Variants in UBE2E2 observed in about 807,000 individuals in gnomAD.
The protein encoded by UBE2E2 is ubiquitin-conjugating enzyme E2 E2.
UBE2E2 carries 6 observed loss-of-function variants against 24.7 expected under a neutral mutation model. The ratio of observed to expected loss-of-function variants is 0.24; its 90% CI spans 0.13 to 0.48. The LOEUF (loss-of-function observed/expected upper bound fraction) is 0.48, where lower values mean the gene tolerates loss of function less well. UBE2E2 is among the 20% of genes least tolerant of loss of function. The pLI is 0.99. For synonymous variants in UBE2E2, 104 were observed against 83.6 expected (o/e 1.24, Z -1.33); for missense variants, 169 against 245.0 (o/e 0.69, Z 2.07).
rs140520634 is a variant in UBE2E2, at chr3:23,365,239, C to T, written c.228-134369C>T. Among the ~76,000 whole-genome samples, 536 of 152,282 alleles carry T rather than the reference C, an allele frequency of 3.5e-3. 4 individuals carry two copies. Among genetic ancestry groups the T allele is most frequent in the African/African-American group, 0.011 (455 of 41,542 alleles). On this transcript the variant is annotated intron_variant, in intron 3 of 5. Coordinates refer to ENST00000396703, the MANE Select transcript of UBE2E2 (RefSeq NM_152653.4). ...AAGGCAAGGATGCCAACTCTCACCA[C>T]TCATACTTAACCATAGTACTAGAAG...
At chr3:23,319,661 A>G (rs1215147957) in intron 3 of UBE2E2, among the ~76,000 whole-genome samples, 1 of 149,994 alleles carries the variant, frequency 6.7e-6, no homozygotes, top group African/African-American at 2.4e-5. Context: ...AAAAATACAA[A>G]AAAATTAGCT....
chr3:23,340,043 T>C (rs1260578491), intron 3 of UBE2E2, among the ~76,000 whole-genome samples: 1 of 152,100 alleles, frequency 6.6e-6, no homozygotes, highest in Non-Finnish European at 1.5e-5. Context: ...ATTTAATACA[T>C]GGATAAGCTG....
intron 3 of UBE2E2, among the ~76,000 whole-genome samples, chr3:23,349,294 A>G (rs1695654074): frequency 6.6e-6 from 1 of 152,226 alleles, no homozygotes; most frequent in South Asian, 2.1e-4. Context: ...TACAGCTCCC[A>G]GCGTGAGTGA....
intron 3 of UBE2E2, among the ~76,000 whole-genome samples, chr3:23,239,465 C>T (rs989891214): frequency 4.6e-5 from 7 of 151,938 alleles, no homozygotes; most frequent in African/African-American, 1.5e-4. Context: ...CTGGCAACCA[C>T]GAATCGACTT....
intron 3 of UBE2E2, among the ~76,000 whole-genome samples, chr3:23,385,222 T>G (rs571102372): frequency 2.0e-5 from 3 of 152,370 alleles, no homozygotes; most frequent in African/African-American, 7.2e-5. Flanking sequence ...TCTTTCCCTG[T>G]TTGCAAGCGA....
At chr3:23,422,114 A>G (rs1266934993) in intron 3 of UBE2E2, among the ~76,000 whole-genome samples, 1 of 152,192 alleles carries the variant, frequency 6.6e-6, no homozygotes, top group East Asian at 1.9e-4. Flanking sequence ...TTTTTTAATT[A>G]TAAATATTTA....
intron 3 of UBE2E2, among the ~76,000 whole-genome samples, chr3:23,355,588 G>C (rs1449093601): frequency 6.6e-6 from 1 of 152,172 alleles, no homozygotes; most frequent in Non-Finnish European, 1.5e-5. Context: ...CTTGTAACTA[G>C]AAACAAGTTT....
At chr3:23,284,722 ATATT>A (rs540076307) in intron 3 of UBE2E2, among the ~76,000 whole-genome samples, 17 of 151,710 alleles carry the variant, frequency 1.1e-4, no homozygotes, top group Non-Finnish European at 1.3e-4. Context: ...TTATATATAT[ATATT>A]TAGGAATACA....
chr3:23,494,727 T>G, intron 3 of UBE2E2, among the ~76,000 whole-genome samples: 1 of 152,098 alleles, frequency 6.6e-6, no homozygotes, highest in South Asian at 2.1e-4. Flanking sequence ...TAGTTTTATA[T>G]GCTTTTTTCT....
intron 5 of UBE2E2, among the ~76,000 whole-genome samples, chr3:23,548,256 T>C (rs1227382786): frequency 1.3e-5 from 2 of 152,208 alleles, no homozygotes; most frequent in Non-Finnish European, 2.9e-5. Flanking sequence ...ATAAAGCTGT[T>C]TCATTATTTT....
chr3:23,586,843 C>G (rs1696637594), intron 5 of UBE2E2, among the ~76,000 whole-genome samples: 1 of 151,348 alleles, frequency 6.6e-6, no homozygotes, highest in Non-Finnish European at 1.5e-5. Flanking sequence ...AGTTATTTAC[C>G]ATATCGGTAT....
chr3:23,569,362 G>A (rs1696169066), intron 5 of UBE2E2, among the ~76,000 whole-genome samples: 1 of 152,138 alleles, frequency 6.6e-6, no homozygotes, highest in Admixed American at 6.6e-5. Flanking sequence ...TGGGTACAGG[G>A]TTTCTTTTTG....
chr3:23,521,867 G>C (rs1405976486), intron 4 of UBE2E2, among the ~76,000 whole-genome samples: 1 of 152,032 alleles, frequency 6.6e-6, no homozygotes, highest in Non-Finnish European at 1.5e-5. Flanking sequence ...TTTGGGTTCT[G>C]GTTTTGATGG....
intron 3 of UBE2E2, among the ~76,000 whole-genome samples, chr3:23,471,543 A>G (rs566891503): frequency 1.3e-5 from 2 of 152,350 alleles, no homozygotes; most frequent in South Asian, 4.1e-4. Flanking sequence ...CAAGCCAATT[A>G]CATAGCAACC....
chr3:23,301,682 G>T (rs1299759558), intron 3 of UBE2E2, among the ~76,000 whole-genome samples: 1 of 152,198 alleles, frequency 6.6e-6, no homozygotes. Flanking sequence ...TGAGGTGTCA[G>T]TCCACCCCCT....
intron 3 of UBE2E2, among the ~76,000 whole-genome samples, chr3:23,265,119 A>G (rs1698010831): frequency 6.6e-6 from 1 of 152,138 alleles, no homozygotes; most frequent in South Asian, 2.1e-4. Context: ...ATGTGGGAGG[A>G]GGATTTTTGT....
rs189544173 is a variant in UBE2E2 at position 23,580,571 on chromosome 3, C to A, written c.509-9163C>A. 4.6e-5 allele frequency among the ~76,000 whole-genome samples: 7 copies of A among 152,350 alleles called. No homozygotes were observed. The East Asian group carries it at 1.3e-3, about 29-fold the overall frequency. On this transcript the variant is annotated intron_variant, in intron 5 of 5. Transcript: ENST00000396703. Reference sequence around the variant, plus strand: ...ATATGTGTGACTCACTTTATTGTGACATTCACTTTATTGCGGCAGTCTGTA... The same window carrying A: ...ATATGTGTGACTCACTTTATTGTGAAATTCACTTTATTGCGGCAGTCTGTA...
chr3:23,560,637 G>A (rs1246718272), intron 5 of UBE2E2, among the ~76,000 whole-genome samples: 3 of 151,934 alleles, frequency 2.0e-5, no homozygotes, highest in Non-Finnish European at 2.9e-5. Context: ...TTGAGGAATC[G>A]CCACACTGAC....
At chr3:23,370,299 C>A (rs1384639495) in intron 3 of UBE2E2, among the ~76,000 whole-genome samples, 1 of 152,132 alleles carries the variant, frequency 6.6e-6, no homozygotes, top group Non-Finnish European at 1.5e-5. Flanking sequence ...TCAACTTTTT[C>A]TGTGACACAC....
Sources: gnomAD v4.1 joint callset for allele counts (sites outside exome capture counted in the v4.1 genomes callset) on GRCh38, gnomAD v4.1.1 for gene constraint, MANE v1.5 for transcripts, NCBI Gene and HGNC (gene_info 2026-07-23, HGNC 2026-07-21) for gene names.